The following AGXT2 variants were observed in gnomAD, a reference collection of about 807,000 sequenced individuals.
AGXT2 encodes the protein alanine--glyoxylate aminotransferase 2.
In AGXT2, 61 loss-of-function variants were observed where a neutral mutation model predicts 62.5. The observed-to-expected ratio is 0.98, with a 90% CI of 0.79 to 1.21. The LOEUF is 1.21. AGXT2 is among the 50% of genes most tolerant of loss of function. The pLI is 0.00. For synonymous variants in AGXT2, 243 were observed against 218.7 expected, an observed-to-expected ratio of 1.11 and a Z score of -0.98; for missense variants, 666 against 641.5, an observed-to-expected ratio of 1.04 and a Z score of -0.41.
In AGXT2 at chr5:35,026,437, A is replaced by T; in HGVS notation, c.843T>A (p.Ile281=). 1 of 1,614,132 alleles carries T rather than the reference A, an allele frequency of 6.2e-7. No individual in the cohort carries two copies. Among genetic ancestry groups the T allele is most frequent in the Non-Finnish European group, 8.5e-7 (1 of 1,180,008 alleles). ...DTLSTSVAKS[I]AGFFAEPIQG... is the part of the protein sequence containing the mutation. ...GAATAGGTTCTGCGAAAAATCCAGC[A>T]ATTGACTTGGCCACAGATGTGCTCA... is the stretch of plus-strand genomic sequence containing the variant. The change falls in exon 8 of 14, where the codon ATT becomes ATA. Residue 281 remains isoleucine (I), a synonymous_variant. Coordinates refer to ENST00000231420, the MANE Select transcript of AGXT2 (RefSeq NM_031900.4).
Position 35,009,996 on chromosome 5 carries a change from C to G in AGXT2, c.1338+4G>C, listed in dbSNP as rs1006208255. The G allele has an allele frequency of 6.2e-7, 1 of 1,614,184 alleles. No individual in the cohort carries two copies. Among genetic ancestry groups the G allele is most frequent in the African/African-American group, 1.3e-5 (1 of 75,054 alleles). On this transcript the variant is annotated splice_donor_region_variant and intron_variant, in intron 12 of 13. Transcript: ENST00000231420. The stretch of plus-strand genomic sequence containing the variant: ...CTGAGAGAGAGGGGCAGATTAGCAC[C>G]TACCTTATCCTGCACCATTTCTATG...
intron 2 of AGXT2, among the ~76,000 whole-genome samples, chr5:35,039,791 T>C (rs1767914988): frequency 6.6e-6 from 1 of 152,170 alleles, no homozygotes; most frequent in African/African-American, 2.4e-5. Flanking sequence ...ATTTTAACTA[T>C]GAAAAAAATA....
chr5:35,043,098 C>T (rs1768049250), intron 1 of AGXT2, among the ~76,000 whole-genome samples: 1 of 152,190 alleles, frequency 6.6e-6, no homozygotes. Context: ...CTATAGCAGA[C>T]AGTTCACTGC....
intron 1 of AGXT2, among the ~76,000 whole-genome samples, chr5:35,042,394 G>T (rs1292314250): frequency 6.6e-6 from 1 of 152,080 alleles, no homozygotes; most frequent in African/African-American, 2.4e-5. Context: ...GGAAGAAATA[G>T]AGACAGTAAT....
intron 9 of AGXT2, among the ~76,000 whole-genome samples, chr5:35,021,250 A>G (rs1767068538): frequency 6.6e-6 from 1 of 152,252 alleles, no homozygotes; most frequent in Admixed American, 6.5e-5. Flanking sequence ...ACCAAAGAAG[A>G]GCCCGCTTCG....
At chr5:35,033,307 T>C (rs1424412617) in intron 6 of AGXT2, 153 bp downstream of exon 6, 4 of 691,376 alleles carry the variant, frequency 5.8e-6, no homozygotes, top group African/African-American at 5.3e-5. Context: ...AATGGTGTCC[T>C]CAAGTGGTCT....
chr5:35,024,686 C>T (rs55990414), intron 9 of AGXT2, among the ~76,000 whole-genome samples: 27,420 of 152,144 alleles, frequency 0.18, 2,943 homozygotes, highest in East Asian at 0.42. Context: ...AACATTATTT[C>T]GGCCAGGCGC....
At chr5:35,038,730 A>G (rs977942066) in intron 3 of AGXT2, among the ~76,000 whole-genome samples, 2 of 152,202 alleles carry the variant, frequency 1.3e-5, no homozygotes, top group Admixed American at 1.3e-4. Context: ...GAGAACAGAC[A>G]TGAAATGAGA....
At chr5:35,023,404 A>G (rs1561223161) in intron 9 of AGXT2, among the ~76,000 whole-genome samples, 1 of 152,106 alleles carries the variant, frequency 6.6e-6, no homozygotes, top group Non-Finnish European at 1.5e-5. Flanking sequence ...TCTTATTTTT[A>G]CCTAGTCCTC....
At chr5:35,005,717 C>T (rs1044504212) in intron 12 of AGXT2, among the ~76,000 whole-genome samples, 19 of 151,958 alleles carry the variant, frequency 1.3e-4, no homozygotes, top group African/African-American at 3.6e-4. Context: ...TAAGCCACAG[C>T]GCAGCCTGCC....
chr5:35,039,317 T>G lies in AGXT2; in HGVS notation c.362+7A>C. 2 of 1,613,632 alleles carry G rather than the reference T, an allele frequency of 1.2e-6. No individual in the cohort carries two copies. The highest frequency in any genetic ancestry group is 1.7e-6 in the Non-Finnish European group (2 of 1,179,532). On this transcript the variant is annotated splice_region_variant and intron_variant, in intron 3 of 13. Transcript: ENST00000231420. ...AATAAAAATCTCCAGATTTTAAGGA[T>G]ACTCACGGGTGGCAATGGCCAACAC...
intron 13 of AGXT2, among the ~76,000 whole-genome samples, chr5:35,002,331 G>A (rs1482033464): frequency 2.0e-5 from 3 of 152,186 alleles, no homozygotes; most frequent in Non-Finnish European, 4.4e-5. Context: ...AATTGAAGAT[G>A]CAAGAAAACA....
intron 7 of AGXT2, among the ~76,000 whole-genome samples, chr5:35,029,441 TGA>T (rs1767481273): frequency 1.3e-5 from 2 of 152,194 alleles, no homozygotes; most frequent in East Asian, 3.9e-4. Flanking sequence ...TGCTCAGCGA[TGA>T]GAGAGTCATT....
chr5:35,035,983 A>G (rs1767753058), intron 4 of AGXT2, among the ~76,000 whole-genome samples: 1 of 152,108 alleles, frequency 6.6e-6, no homozygotes, highest in Non-Finnish European at 1.5e-5. Flanking sequence ...GGGCTGAGGC[A>G]GGAGAATCAC....
chr5:35,025,608 C>T (rs1767304645), intron 9 of AGXT2, among the ~76,000 whole-genome samples, 155 bp downstream of exon 9: 1 of 152,180 alleles, frequency 6.6e-6, no homozygotes, highest in African/African-American at 2.4e-5. Flanking sequence ...ACAAATCAAC[C>T]AGCCCACTAG....
intron 7 of AGXT2, among the ~76,000 whole-genome samples, chr5:35,029,148 C>T (rs556216509): frequency 1.3e-5 from 2 of 152,216 alleles, no homozygotes; most frequent in South Asian, 2.1e-4. Context: ...TTTTTGGCAT[C>T]ACTTGTGTTG....
At chr5:35,040,521 A>G (rs922270777) in intron 2 of AGXT2, 54 bp downstream of exon 2, 1 of 1,507,532 alleles carries the variant, frequency 6.6e-7, no homozygotes, top group Non-Finnish European at 9.2e-7. Context: ...CAATCATTTG[A>G]GACCTCCCCA....
intron 9 of AGXT2, among the ~76,000 whole-genome samples, chr5:35,022,328 G>C (rs1373022950): frequency 6.6e-5 from 10 of 151,662 alleles, no homozygotes; most frequent in African/African-American, 2.2e-4. Context: ...CAACCCAAAT[G>C]TCCAACAATG....
rs377661026 is a variant in AGXT2, at chr5:35,033,489, C to A, written c.646G>T (p.Glu216Ter). 5.6e-6 allele frequency: 9 copies of A among 1,613,696 alleles called. No individual in the cohort carries two copies. The highest frequency in any genetic ancestry group is 7.6e-6 in the Non-Finnish European group (9 of 1,179,624). ...TGGCAACCTGTCCCACCAGGGAGTT[C>A]CATCTTGTAGGTCCCTACGTTTGTC... is the stretch of plus-strand genomic sequence containing the variant. Reference protein sequence around the residue: ...GLTNVGTYKMELPGGTGCQPT... With the variant: ...GLTNVGTYKM The change falls in exon 6 of 14, where the codon GAA (glutamate) becomes TAA (stop). Residue 216 changes from glutamate to a stop codon, truncating the protein, a stop_gained. Transcript: ENST00000231420. LOFTEE classifies it high-confidence loss of function.
Sources: allele counts gnomAD v4.1 joint callset (sites outside exome capture counted in the v4.1 genomes callset), GRCh38; gene constraint gnomAD v4.1.1; transcripts MANE v1.5; gene names NCBI Gene and HGNC (gene_info 2026-07-23, HGNC 2026-07-21).